Variants in PTPRM observed in about 807,000 individuals in gnomAD.
PTPRM encodes receptor-type tyrosine-protein phosphatase mu.
In PTPRM, 47 loss-of-function variants were observed where a neutral mutation model predicts 186.7. The ratio of observed to expected loss-of-function variants is 0.25; its 90% CI spans 0.20 to 0.32. The LOEUF is 0.32. Among genes scored for constraint, PTPRM ranks in the 10% least tolerant of loss-of-function variants. The pLI is 1.00. For missense variants in PTPRM, 1,494 were observed against 1,865.0 expected, an observed-to-expected ratio of 0.80 and a Z score of 3.66; for synonymous variants, 668 against 674.9, an observed-to-expected ratio of 0.99 and a Z score of 0.16.
intron 23 of PTPRM, among the ~76,000 whole-genome samples, chr18:8,356,053 G>T (rs1164096570): frequency 6.6e-6 from 1 of 152,168 alleles, no homozygotes; most frequent in African/African-American, 2.4e-5. Flanking sequence ...TCCCCAAAAG[G>T]AAGTCAAGGA....
chr18:7,989,070 A>G (rs1462440263), intron 7 of PTPRM, among the ~76,000 whole-genome samples: 2 of 152,190 alleles, frequency 1.3e-5, no homozygotes, highest in Non-Finnish European at 2.9e-5. Context: ...TACATATTCA[A>G]TTAATACTTG....
intron 22 of PTPRM, among the ~76,000 whole-genome samples, chr18:8,326,519 A>G (rs2095377576): frequency 6.6e-6 from 1 of 152,234 alleles, no homozygotes; most frequent in African/African-American, 2.4e-5. Context: ...GCATCACTTT[A>G]TGTGACTTGA....
intron 14 of PTPRM, among the ~76,000 whole-genome samples, chr18:8,240,777 G>GGAGGGAGAGAGAGAGAGAGAGAGA (rs2094420075): frequency 7.0e-5 from 4 of 57,298 alleles, no homozygotes; most frequent in Admixed American, 3.7e-4. Flanking sequence ...AGAGAGAGAG[G>GGAGGGAGAGAGAGAGAGAGAGAGA]GAGAGAGAGA....
intron 1 of PTPRM, among the ~76,000 whole-genome samples, chr18:7,623,382 A>G (rs2037986459): frequency 6.6e-6 from 1 of 152,240 alleles, no homozygotes; most frequent in Admixed American, 6.5e-5. Context: ...ACTACTAACA[A>G]TTTGTTGTAT....
At chr18:8,288,885 C>T (rs1354087406) in intron 19 of PTPRM, among the ~76,000 whole-genome samples, 1 of 152,148 alleles carries the variant, frequency 6.6e-6, no homozygotes, top group African/African-American at 2.4e-5. Context: ...CTCACATCAC[C>T]AGGAAGCATC....
chr18:8,226,309 A>G (rs188928973), intron 14 of PTPRM, among the ~76,000 whole-genome samples: 128 of 150,554 alleles, frequency 8.5e-4, no homozygotes, highest in Non-Finnish European at 1.4e-3. Flanking sequence ...AATAAATAGC[A>G]TGTAAAGGCC....
At chr18:8,090,802 C>A (rs2090676849) in intron 11 of PTPRM, among the ~76,000 whole-genome samples, 1 of 152,166 alleles carries the variant, frequency 6.6e-6, no homozygotes, top group Admixed American at 6.5e-5. Flanking sequence ...ATCATGTTGA[C>A]CAGGCTCGTC....
At chr18:8,103,314 T>G in intron 11 of PTPRM, among the ~76,000 whole-genome samples, 1 of 152,248 alleles carries the variant, frequency 6.6e-6, no homozygotes, top group East Asian at 1.9e-4. Context: ...CTGCTTCCAA[T>G]AGAAGGCCAT....
intron 23 of PTPRM, among the ~76,000 whole-genome samples, chr18:8,353,140 G>C (rs545095120): frequency 3.5e-4 from 53 of 152,270 alleles, no homozygotes; most frequent in African/African-American, 1.3e-3. Flanking sequence ...GAAAGCACAG[G>C]AAGGGGAGGA....
At chr18:8,251,488 C>G (rs756028297) in intron 17 of PTPRM, 6 of 152,190 alleles carry the variant, frequency 3.9e-5, no homozygotes, top group Non-Finnish European at 7.4e-5. Context: ...GTGAAAATTT[C>G]CAGGTTTATT....
intron 19 of PTPRM, among the ~76,000 whole-genome samples, chr18:8,283,629 TA>T (rs1197708862): frequency 2.0e-5 from 3 of 152,150 alleles, no homozygotes; most frequent in Non-Finnish European, 4.4e-5. Flanking sequence ...GTTATTTATT[TA>T]TGTTTTTTGA....
chr18:7,969,480 A>C (rs1360827915), intron 7 of PTPRM, among the ~76,000 whole-genome samples: 3 of 148,112 alleles, frequency 2.0e-5, no homozygotes, highest in Admixed American at 6.7e-5. Flanking sequence ...AAGGAAATAG[A>C]GACACAAAAA....
chr18:7,866,446 C>A (rs894084677), intron 2 of PTPRM, among the ~76,000 whole-genome samples: 6 of 152,062 alleles, frequency 3.9e-5, no homozygotes, highest in Non-Finnish European at 7.4e-5. Flanking sequence ...TGTTATTTAC[C>A]CAGTAGCCAT....
At chr18:7,991,455 A>G (rs2147632621) in intron 7 of PTPRM, among the ~76,000 whole-genome samples, 1 of 152,316 alleles carries the variant, frequency 6.6e-6, no homozygotes, top group East Asian at 1.9e-4. Flanking sequence ...GACAAAGAAC[A>G]GAGGCAAATC....
intron 8 of PTPRM, among the ~76,000 whole-genome samples, chr18:8,072,776 G>A (rs971798589): frequency 6.6e-6 from 1 of 152,046 alleles, no homozygotes; most frequent in Admixed American, 6.5e-5. Context: ...GGGATAAGTT[G>A]TACAAACTTA....
chr18:8,243,649 G>A (rs959832968), intron 14 of PTPRM, among the ~76,000 whole-genome samples: 2 of 152,156 alleles, frequency 1.3e-5, no homozygotes, highest in Non-Finnish European at 2.9e-5. Flanking sequence ...TTACTCAAGG[G>A]AGTCTTCTCT....
At chr18:7,811,519 A>G (rs1300780901) in intron 2 of PTPRM, among the ~76,000 whole-genome samples, 1 of 152,100 alleles carries the variant, frequency 6.6e-6, no homozygotes, top group Non-Finnish European at 1.5e-5. Flanking sequence ...CACCAAGCCG[A>G]GTTCATTTTT....
chr18:7,829,582 T>C (rs547335563), intron 2 of PTPRM, among the ~76,000 whole-genome samples: 1 of 152,342 alleles, frequency 6.6e-6, no homozygotes, highest in South Asian at 2.1e-4. Flanking sequence ...GAGATTGCTC[T>C]TAAAGATATC....
At chr18:7,764,931 G>A (rs1025523816) in intron 1 of PTPRM, among the ~76,000 whole-genome samples, 7 of 152,196 alleles carry the variant, frequency 4.6e-5, no homozygotes, top group Admixed American at 2.6e-4. Context: ...GAGGATAAGA[G>A]CACCAGTATT....
Sources: allele counts gnomAD v4.1 joint callset (sites outside exome capture counted in the v4.1 genomes callset), GRCh38; gene constraint gnomAD v4.1.1; transcripts MANE v1.5; gene names NCBI Gene and HGNC (gene_info 2026-07-23, HGNC 2026-07-21).